Variants in EFL1 observed in about 807,000 individuals in gnomAD.
The protein encoded by EFL1 is elongation factor-like GTPase 1.
Under a neutral mutation model 126.7 loss-of-function variants are expected in EFL1, and 76 were observed. That is an observed-to-expected ratio of 0.60 (90% CI 0.50 to 0.73). The LOEUF is 0.73. EFL1 is among the 30% of genes least tolerant of loss of function. EFL1 has a pLI of 0.00. For synonymous variants in EFL1, 410 were observed against 448.4 expected (o/e 0.91, Z 1.08); for missense variants, 1,128 against 1,343.2 (o/e 0.84, Z 2.50).
At chr15:82,202,261 G>C (rs1387524726) in intron 15 of EFL1, among the ~76,000 whole-genome samples, 1 of 151,886 alleles carries the variant, frequency 6.6e-6, no homozygotes, top group Non-Finnish European at 1.5e-5. Context: ...TTTTCCCCCA[G>C]AAAAGTACTC....
intron 15 of EFL1, among the ~76,000 whole-genome samples, chr15:82,178,935 C>G (rs961194113): frequency 6.6e-6 from 1 of 152,014 alleles, no homozygotes; most frequent in Non-Finnish European, 1.5e-5. Context: ...AGTTCAAGAC[C>G]AGCCTGGGAA....
chr15:82,183,637 G>T, intron 15 of EFL1, among the ~76,000 whole-genome samples: 1 of 152,220 alleles, frequency 6.6e-6, no homozygotes, highest in East Asian at 1.9e-4. Context: ...AGGTTCTAAA[G>T]ATGGTCTAGC....
chr15:82,218,707 G>A (rs1010111095), intron 14 of EFL1, among the ~76,000 whole-genome samples: 1 of 152,158 alleles, frequency 6.6e-6, no homozygotes, highest in Non-Finnish European at 1.5e-5. Context: ...TACACACCAA[G>A]TGCTGCAATC....
intron 4 of EFL1, among the ~76,000 whole-genome samples, chr15:82,249,828 TATG>T (rs1232419478): frequency 6.6e-6 from 1 of 152,148 alleles, no homozygotes; most frequent in Non-Finnish European, 1.5e-5. Flanking sequence ...TGAGATAGTG[TATG>T]ACCTTGATGG....
intron 15 of EFL1, among the ~76,000 whole-genome samples, chr15:82,189,742 C>A (rs1595971446): frequency 6.6e-6 from 1 of 152,172 alleles, no homozygotes. Flanking sequence ...AACACACACA[C>A]ACACATATAC....
intron 4 of EFL1, among the ~76,000 whole-genome samples, chr15:82,250,428 G>A (rs2075010843): frequency 1.6e-5 from 2 of 127,958 alleles, no homozygotes; most frequent in Non-Finnish European, 3.2e-5. Context: ...CAATCCATAG[G>A]TGCAACCTCT....
intron 15 of EFL1, among the ~76,000 whole-genome samples, chr15:82,173,187 C>A (rs2074155254): frequency 6.6e-6 from 1 of 151,708 alleles, no homozygotes; most frequent in Non-Finnish European, 1.5e-5. Context: ...ACAATGGAAT[C>A]AACATAGAAA....
intron 18 of EFL1, among the ~76,000 whole-genome samples, chr15:82,145,989 A>G (rs1038869261): frequency 6.6e-6 from 1 of 152,124 alleles, no homozygotes; most frequent in Non-Finnish European, 1.5e-5. Flanking sequence ...AAAAATACAA[A>G]AAGAATTCAA....
At chr15:82,244,952 T>G (rs1313994579) in intron 4 of EFL1, among the ~76,000 whole-genome samples, 1 of 152,156 alleles carries the variant, frequency 6.6e-6, no homozygotes, top group South Asian at 2.1e-4. Flanking sequence ...CTCCTGAAAG[T>G]GTCCTTTATG....
At chr15:82,149,142 G>A (rs1213283112) in intron 18 of EFL1, among the ~76,000 whole-genome samples, 1 of 152,090 alleles carries the variant, frequency 6.6e-6, no homozygotes, top group African/African-American at 2.4e-5. Flanking sequence ...AGATGGTGGT[G>A]ATGTGACTTC....
chr15:82,216,706 C>T (rs887775230), intron 14 of EFL1, among the ~76,000 whole-genome samples: 2 of 152,020 alleles, frequency 1.3e-5, no homozygotes, highest in Admixed American at 1.3e-4. Flanking sequence ...AATATTTAAA[C>T]ATGAAAAGTA....
intron 6 of EFL1, among the ~76,000 whole-genome samples, chr15:82,239,170 T>C (rs2074904833): frequency 6.6e-6 from 1 of 152,164 alleles, no homozygotes; most frequent in Non-Finnish European, 1.5e-5. Context: ...GGAGTCTCGC[T>C]CTGTTGCCCA....
intron 15 of EFL1, among the ~76,000 whole-genome samples, chr15:82,189,812 T>A (rs1432405468): frequency 6.6e-6 from 1 of 152,122 alleles, no homozygotes; most frequent in African/African-American, 2.4e-5. Context: ...GTTTCCAGTC[T>A]TTTCACTTAA....
chr15:82,151,580 T>C lies in EFL1; in HGVS notation c.2874A>G (p.Ser958=), dbSNP rs370932459. 46 of 1,614,206 alleles carry C rather than the reference T, an allele frequency of 2.8e-5. No homozygotes were observed. Among genetic ancestry groups the C allele is most frequent in the East Asian group, 4.5e-5 (2 of 44,880 alleles). ...SPLTDCYGPF[S]GQLIATMKEA... ...CTTTCATGGTGGCAATTAGCTGTCC[T>C]GAGAAAGGTCCATAGCAGTCAGTGA... Residue 958 remains serine (S), a synonymous_variant, in exon 18 of 20, where the codon TCA becomes TCG. Transcript: ENST00000268206.
chr15:82,217,844 T>C (rs1259069845), intron 14 of EFL1, among the ~76,000 whole-genome samples: 1 of 152,204 alleles, frequency 6.6e-6, no homozygotes, highest in African/African-American at 2.4e-5. Context: ...CATACAGGAC[T>C]CTGTCTTGCT....
Position 82,200,085 on chromosome 15 carries a change from G to C in EFL1, c.1750+14632C>G, listed in dbSNP as rs543841298. Among the ~76,000 whole-genome samples, 3 of 152,254 alleles carry C rather than the reference G, an allele frequency of 2.0e-5. 1 individual carries two copies. The highest frequency in any genetic ancestry group is 7.2e-5 in the African/African-American group (3 of 41,560). ...CAGCGGGGAAGGAAGCAGGGGCAGGGGCAAGTTTATTTGATATACTGTGCT... is the reference window on the plus strand; with the variant it reads ...CAGCGGGGAAGGAAGCAGGGGCAGGCGCAAGTTTATTTGATATACTGTGCT... On this transcript the variant is annotated intron_variant, in intron 15 of 19. Coordinates refer to ENST00000268206, the MANE Select transcript of EFL1 (RefSeq NM_024580.6).
At chr15:82,217,387 A>AC (rs2074660330) in intron 14 of EFL1, among the ~76,000 whole-genome samples, 1 of 149,144 alleles carries the variant, frequency 6.7e-6, no homozygotes, top group South Asian at 2.1e-4. Flanking sequence ...AAAAAAAAAA[A>AC]AAAAAAAACG....
chr15:82,157,623 C>G, intron 17 of EFL1, 90 bp downstream of exon 17: 1 of 1,394,294 alleles, frequency 7.2e-7, no homozygotes, highest in Non-Finnish European at 9.6e-7. Flanking sequence ...AAAAATAAGC[C>G]GCAGTCTAAG....
rs541195756 is a variant in EFL1 at position 82,204,899 on chromosome 15, C to A, written c.1750+9818G>T. Among the ~76,000 whole-genome samples the A allele has an allele frequency of 5.3e-5, 8 of 152,300 alleles. No individual in the cohort carries two copies. In the East Asian group the frequency reaches 1.3e-3, roughly 26 times the overall value. On this transcript the variant is annotated intron_variant, in intron 15 of 19. Transcript: ENST00000268206. ...TATCTTTGGAAGAGAATATGATCTG[C>A]AGTCTATTCATTATTATGTGCAAGT... is the stretch of plus-strand genomic sequence containing the variant.
Sources: gnomAD v4.1 joint callset for allele counts (sites outside exome capture counted in the v4.1 genomes callset) on GRCh38, gnomAD v4.1.1 for gene constraint, MANE v1.5 for transcripts, NCBI Gene and HGNC (gene_info 2026-07-23, HGNC 2026-07-21) for gene names.